Variants in SLC9A4 observed in about 807,000 individuals in gnomAD.
SLC9A4 encodes sodium/hydrogen exchanger 4.
Under a neutral mutation model 67.4 loss-of-function variants are expected in SLC9A4, and 63 were observed. That is an observed-to-expected ratio of 0.93 (90% confidence interval 0.76 to 1.15). SLC9A4 has a LOEUF of 1.15. Among genes scored for constraint, SLC9A4 ranks in the 50% most tolerant of loss-of-function variants. The probability of loss-of-function intolerance (pLI) is 0.00; values close to 1 mark genes in which losing one functional copy is unlikely to be tolerated. For missense variants in SLC9A4, 1,089 were observed against 987.7 expected, an observed-to-expected ratio of 1.10 and a Z score of -1.38; for synonymous variants, 393 against 367.2, an observed-to-expected ratio of 1.07 and a Z score of -0.80.
chr2:102,528,082 A>T (rs1674702467), intron 11 of SLC9A4, among the ~76,000 whole-genome samples: 1 of 152,084 alleles, frequency 6.6e-6, no homozygotes, highest in Non-Finnish European at 1.5e-5. Context: ...ATCTTGGCTC[A>T]CTGTAACCTC....
chr2:102,483,494 T>C (rs1880000), intron 2 of SLC9A4, among the ~76,000 whole-genome samples: 24,179 of 152,092 alleles, frequency 0.16, 2,315 homozygotes, highest in African/African-American at 0.27. Flanking sequence ...GCGACAATGC[T>C]GCAGATCTTC....
In SLC9A4 at chr2:102,520,443, G is replaced by A. The variant is rs958418777; in HGVS notation, c.1818+488G>A. On this transcript the variant is annotated intron_variant, in intron 9 of 11. Coordinates refer to ENST00000295269, the MANE Select transcript of SLC9A4 (RefSeq NM_001011552.4). ...TCTTATTTCTCAATTTTGGAACTAG[G>A]TATGAAATCTCTACTAGTCCTTGGG... Among the ~76,000 whole-genome samples the A allele has an allele frequency of 3.9e-5, 6 of 152,190 alleles. No individual in the cohort carries two copies. The South Asian group carries it at 1.2e-3, about 31-fold the overall frequency.
At chr2:102,492,824 T>A (rs1204541392) in intron 2 of SLC9A4, among the ~76,000 whole-genome samples, 2 of 152,200 alleles carry the variant, frequency 1.3e-5, no homozygotes, top group Non-Finnish European at 2.9e-5. Context: ...TAGCTCATAG[T>A]CAGGCTGCAA....
intron 8 of SLC9A4, among the ~76,000 whole-genome samples, chr2:102,515,749 C>A (rs879883261): frequency 4.6e-5 from 7 of 151,934 alleles, no homozygotes; most frequent in Non-Finnish European, 8.8e-5. Flanking sequence ...TTTTTTGCAA[C>A]CCCCTTGCAT....
intron 9 of SLC9A4, among the ~76,000 whole-genome samples, 171 bp from the exon 10 acceptor site, chr2:102,524,853 T>G (rs1465917399): frequency 1.3e-5 from 2 of 152,144 alleles, no homozygotes; most frequent in African/African-American, 4.8e-5. Flanking sequence ...GTCATAGACT[T>G]TTCTTCTTGG....
chr2:102,529,757 T>C (rs1483752329), intron 11 of SLC9A4, among the ~76,000 whole-genome samples: 1 of 152,140 alleles, frequency 6.6e-6, no homozygotes, highest in African/African-American at 2.4e-5. Context: ...CACCTGAAAC[T>C]TGGAGAATGC....
In SLC9A4 at chr2:102,508,138, G is replaced by A. The variant is rs757038199; in HGVS notation, c.1258G>A (p.Asp420Asn). The stretch of plus-strand genomic sequence containing the variant: ...TCGGACTTTCCCCTTCTCCATCAAG[G>A]ACCAGTGCATCATTTTCTACAGTGG... Reference protein sequence around the residue: ...QFRTFPFSIKDQCIIFYSGVR... With the variant: ...QFRTFPFSIKNQCIIFYSGVR... The change falls in exon 5 of 12, where the codon GAC becomes AAC. Residue 420 changes from aspartate (D) to asparagine (N), a missense_variant. By Grantham distance (23) the Asp-to-Asn change is conservative (BLOSUM62 1). Coordinates refer to ENST00000295269, the MANE Select transcript of SLC9A4 (RefSeq NM_001011552.4). 14 of 1,613,978 alleles carry A rather than the reference G, an allele frequency of 8.7e-6. No homozygotes were observed. Among genetic ancestry groups the A allele is most frequent in the Non-Finnish European group, 8.5e-7 (1 of 1,180,022 alleles).
At position 102,489,663 on chromosome 2, in the gene SLC9A4, G is replaced by A. The variant is rs138017196; in HGVS notation, c.720+10361G>A. On this transcript the variant is annotated intron_variant, in intron 2 of 11. Coordinates refer to ENST00000295269, the MANE Select transcript of SLC9A4 (RefSeq NM_001011552.4). ...CATTCAGTTCACCAGCTTGGCCTCT[G>A]TTCGCTGAACTTAGAAAGGATAAAT... is the stretch of plus-strand genomic sequence containing the variant. Among the ~76,000 whole-genome samples the A allele has an allele frequency of 2.6e-3, 397 of 152,260 alleles. 2 individuals are homozygous for A. Among genetic ancestry groups the A allele is most frequent in the African/African-American group, 7.9e-3 (329 of 41,536 alleles).
At chr2:102,493,576 C>T (rs908204973) in intron 2 of SLC9A4, among the ~76,000 whole-genome samples, 2 of 151,798 alleles carry the variant, frequency 1.3e-5, no homozygotes, top group Non-Finnish European at 2.9e-5. Flanking sequence ...ATTCAATTAC[C>T]TCCCACCATG....
intron 9 of SLC9A4, among the ~76,000 whole-genome samples, chr2:102,523,721 C>G (rs144556645): frequency 0.02 from 3,062 of 152,316 alleles, 43 homozygotes; most frequent in Non-Finnish European, 0.03. Flanking sequence ...CCCCTCCAGT[C>G]TCACCTCTCA....
intron 2 of SLC9A4, among the ~76,000 whole-genome samples, chr2:102,490,779 G>T (rs1015591810): frequency 6.6e-6 from 1 of 152,154 alleles, no homozygotes; most frequent in African/African-American, 2.4e-5. Flanking sequence ...GGATGAACTT[G>T]ATTATGCTGT....
At chr2:102,488,826 C>T (rs1023916493) in intron 2 of SLC9A4, among the ~76,000 whole-genome samples, 5 of 152,176 alleles carry the variant, frequency 3.3e-5, no homozygotes, top group East Asian at 1.9e-4. Flanking sequence ...GAATTACAGG[C>T]GTGAGCCACT....
At position 102,526,315 on chromosome 2, in the gene SLC9A4, A is replaced by G. The variant is rs748258484; in HGVS notation, c.2007A>G (p.Ala669=). 6.2e-7 allele frequency: 1 copy of G among 1,613,902 alleles called. No individual in the cohort carries two copies. The highest frequency in any genetic ancestry group is 8.5e-7 in the Non-Finnish European group (1 of 1,179,824). ...ACCCCTACGGGAATCCTCAGTCTGC[A>G]GGAAGAGACACAAGGGCTGCTGGGT... is the stretch of plus-strand genomic sequence containing the variant. ...LSYPYGNPQS[A]GRDTRAAGFS... Residue 669 remains alanine (A), a synonymous_variant, in exon 11 of 12, where the codon GCA becomes GCG. Coordinates refer to ENST00000295269, the MANE Select transcript of SLC9A4 (RefSeq NM_001011552.4).
chr2:102,532,250 G>C, intron 11 of SLC9A4, 80 bp from the exon 12 acceptor site: 3 of 1,450,190 alleles, frequency 2.1e-6, no homozygotes, highest in Non-Finnish European at 2.8e-6. Flanking sequence ...TTCACTCTGA[G>C]TTCCTGCCAT....
chr2:102,519,742 G>A (rs956877538), intron 8 of SLC9A4, 117 bp from the exon 9 acceptor site: 5 of 814,788 alleles, frequency 6.1e-6, no homozygotes, highest in Non-Finnish European at 9.1e-6. Flanking sequence ...AAAATTATAT[G>A]TAGGATTCTG....
chr2:102,500,958 C>CTTT (rs11443914), intron 2 of SLC9A4, among the ~76,000 whole-genome samples: 4 of 141,382 alleles, frequency 2.8e-5, no homozygotes, highest in Admixed American at 7.0e-5. Context: ...AAGCAACAAT[C>CTTT]TTTTTTTTTT....
intron 2 of SLC9A4, among the ~76,000 whole-genome samples, chr2:102,496,835 A>G (rs1363850674): frequency 6.6e-6 from 1 of 152,262 alleles, no homozygotes; most frequent in Non-Finnish European, 1.5e-5. Flanking sequence ...AACTGGGATT[A>G]ATCAGAAATC....
At chr2:102,521,092 G>A (rs1685399638) in intron 9 of SLC9A4, among the ~76,000 whole-genome samples, 1 of 152,144 alleles carries the variant, frequency 6.6e-6, no homozygotes, top group Non-Finnish European at 1.5e-5. Context: ...ATAAATAATA[G>A]ATAACAACTT....
intron 2 of SLC9A4, among the ~76,000 whole-genome samples, chr2:102,482,011 C>T (rs114745086): frequency 0.018 from 2,667 of 152,180 alleles, 57 homozygotes; most frequent in Non-Finnish European, 0.022. Context: ...TACATGAAGC[C>T]GGACGTCAAA....
Sources: gnomAD v4.1 joint callset for allele counts (sites outside exome capture counted in the v4.1 genomes callset) on GRCh38, gnomAD v4.1.1 for gene constraint, MANE v1.5 for transcripts, NCBI Gene and HGNC (gene_info 2026-07-23, HGNC 2026-07-21) for gene names.